The following CSMD1 variants were observed in gnomAD, a reference collection of about 807,000 sequenced individuals.
CSMD1 encodes the protein CUB and sushi domain-containing protein 1.
CSMD1 carries 213 observed loss-of-function variants against 417.5 expected under a neutral mutation model. The ratio of observed to expected loss-of-function variants is 0.51; its 90% CI spans 0.46 to 0.57. CSMD1 has a LOEUF of 0.57. Ranked by LOEUF, CSMD1 falls within the 20% of genes least tolerant of loss-of-function variation. The probability of loss-of-function intolerance (pLI) is 0.00; values close to 1 mark genes in which losing one functional copy is unlikely to be tolerated. For missense variants in CSMD1, 6,923 were observed against 4,529.7 expected, an observed-to-expected ratio of 1.53 and a Z score of -15.17; for synonymous variants, 2,862 against 1,736.8, an observed-to-expected ratio of 1.65 and a Z score of -16.11.
chr8:4,978,869 C>T (rs541992765), intron 1 of CSMD1, among the ~76,000 whole-genome samples: 19 of 138,018 alleles, frequency 1.4e-4, no homozygotes, highest in Middle Eastern at 3.9e-3. Flanking sequence ...ACCCAGGAGG[C>T]GGAGGTTGCA....
intron 26 of CSMD1, among the ~76,000 whole-genome samples, chr8:3,251,620 T>C (rs1404193778): frequency 2.6e-5 from 4 of 152,184 alleles, no homozygotes; most frequent in Non-Finnish European, 4.4e-5. Flanking sequence ...GGTAGCTTGA[T>C]GGGGATGGCT....
At chr8:4,055,820 G>A (rs1798661383) in intron 3 of CSMD1, among the ~76,000 whole-genome samples, 1 of 151,044 alleles carries the variant, frequency 6.6e-6, no homozygotes, top group South Asian at 2.1e-4. Flanking sequence ...AAGCAGAAGT[G>A]TTGATTTTAC....
At chr8:3,443,162 C>A (rs1815097505) in intron 12 of CSMD1, among the ~76,000 whole-genome samples, 1 of 152,150 alleles carries the variant, frequency 6.6e-6, no homozygotes, top group Admixed American at 6.5e-5. Context: ...CCACGTGTCA[C>A]CTTCTGCTGC....
intron 3 of CSMD1, among the ~76,000 whole-genome samples, chr8:4,382,349 T>G (rs547841688): frequency 1.8e-4 from 28 of 152,312 alleles, no homozygotes; most frequent in Non-Finnish European, 4.0e-4. Context: ...TCATGACTGG[T>G]CGACCAATGA....
Position 3,837,381 on chromosome 8 carries a change from G to T in CSMD1, c.819-83339C>A, listed in dbSNP as rs1317545492. ...ATATTAAGCCACTAAATGGTCTGCA[G>T]AAAATTGAAGTAGCATGCACTTTGA... On this transcript the variant is annotated intron_variant, in intron 5 of 69. Coordinates refer to ENST00000635120, the MANE Select transcript of CSMD1 (RefSeq NM_033225.6). Among the ~76,000 whole-genome samples the T allele has an allele frequency of 2.0e-5, 3 of 152,252 alleles. No individual in the cohort carries two copies. The South Asian group carries it at 6.2e-4, about 32-fold the overall frequency.
At chr8:3,733,952 C>G (rs1179646157) in intron 6 of CSMD1, among the ~76,000 whole-genome samples, 1 of 151,974 alleles carries the variant, frequency 6.6e-6, no homozygotes, top group East Asian at 1.9e-4. Flanking sequence ...CCACTGGGGT[C>G]CTGAAACTTA....
At chr8:4,494,214 T>C (rs1428836537) in intron 2 of CSMD1, among the ~76,000 whole-genome samples, 1 of 152,196 alleles carries the variant, frequency 6.6e-6, no homozygotes, top group Non-Finnish European at 1.5e-5. Context: ...TCTATCTTCC[T>C]TACCAAAAAC....
intron 5 of CSMD1, among the ~76,000 whole-genome samples, chr8:3,827,995 C>G (rs569321796): frequency 6.6e-6 from 1 of 152,130 alleles, no homozygotes; most frequent in East Asian, 1.9e-4. Flanking sequence ...ACAGAAACAA[C>G]CTCATGCATG....
intron 39 of CSMD1, 98 bp from the exon 40 acceptor site, chr8:3,151,611 G>T: frequency 1.4e-6 from 1 of 725,474 alleles, no homozygotes; most frequent in South Asian, 1.7e-5. Context: ...GAAAGAGCAA[G>T]TCTTCGGAGT....
At chr8:3,973,513 C>T (rs1162094898) in intron 5 of CSMD1, among the ~76,000 whole-genome samples, 1 of 152,138 alleles carries the variant, frequency 6.6e-6, no homozygotes, top group Non-Finnish European at 1.5e-5. Flanking sequence ...ACAAATCATT[C>T]TGGTATAAGA....
chr8:3,353,392 C>A (rs972675152), intron 21 of CSMD1, among the ~76,000 whole-genome samples: 16 of 152,190 alleles, frequency 1.1e-4, no homozygotes, highest in African/African-American at 3.4e-4. Context: ...CCTTTCTGAC[C>A]AAGATACCAC....
rs572310772 is a variant in CSMD1 at position 4,894,832 on chromosome 8, C to T, written c.85+99500G>A. Among the ~76,000 whole-genome samples, 3 of 152,020 alleles carry T rather than the reference C, an allele frequency of 2.0e-5. No individual in the cohort carries two copies. In the South Asian group the frequency reaches 6.2e-4, roughly 32 times the overall value. Reference sequence around the variant, plus strand: ...GGACAACTTGATCTGTGCCAATTTGCTTTTGAATTTTTATTAAGGTTCTCT... The same window carrying T: ...GGACAACTTGATCTGTGCCAATTTGTTTTTGAATTTTTATTAAGGTTCTCT... On this transcript the variant is annotated intron_variant, in intron 1 of 69. Coordinates refer to ENST00000635120, the MANE Select transcript of CSMD1 (RefSeq NM_033225.6).
At chr8:4,487,018 C>T (rs576537795) in intron 2 of CSMD1, among the ~76,000 whole-genome samples, 18 of 152,202 alleles carry the variant, frequency 1.2e-4, no homozygotes, top group Admixed American at 2.0e-4. Flanking sequence ...TGAGGCTAAA[C>T]AAAGTTCCAC....
At chr8:3,820,374 G>C (rs992436300) in intron 5 of CSMD1, among the ~76,000 whole-genome samples, 5 of 152,100 alleles carry the variant, frequency 3.3e-5, no homozygotes, top group African/African-American at 4.8e-5. Flanking sequence ...TGTTTGAACT[G>C]AGTACCAAAG....
intron 7 of CSMD1, among the ~76,000 whole-genome samples, chr8:3,658,999 A>G (rs1418172200): frequency 6.6e-6 from 1 of 152,176 alleles, no homozygotes; most frequent in African/African-American, 2.4e-5. Context: ...GTTCTTCTAA[A>G]ATACTTCTAG....
chr8:4,894,128 T>C (rs1367266942), intron 1 of CSMD1, among the ~76,000 whole-genome samples: 2 of 152,062 alleles, frequency 1.3e-5, no homozygotes, highest in Non-Finnish European at 2.9e-5. Context: ...ATCCCATACA[T>C]TTGAAAAATT....
Position 4,160,735 on chromosome 8 carries a change from A to G in CSMD1, c.416-128636T>C, listed in dbSNP as rs76241398. Among the ~76,000 whole-genome samples the G allele has an allele frequency of 8.6e-3, 1,312 of 152,316 alleles. 23 individuals carry two copies. The highest frequency in any genetic ancestry group is 0.03 in the African/African-American group (1,254 of 41,560). ...TTGTGGCAAGTTGCAATTATTTTCT[A>G]TAAGGTGATACTACATTTACTCAGT... On this transcript the variant is annotated intron_variant, in intron 3 of 69. Coordinates refer to ENST00000635120, the MANE Select transcript of CSMD1 (RefSeq NM_033225.6).
intron 18 of CSMD1, among the ~76,000 whole-genome samples, chr8:3,370,599 A>G (rs917010848): frequency 6.6e-6 from 1 of 152,188 alleles, no homozygotes; most frequent in African/African-American, 2.4e-5. Context: ...TTAGAATTTG[A>G]GTCAGTGGAC....
chr8:3,973,529 C>T (rs947727013), intron 5 of CSMD1, among the ~76,000 whole-genome samples: 2 of 152,008 alleles, frequency 1.3e-5, no homozygotes, highest in Admixed American at 6.6e-5. Flanking sequence ...TAAGAACAAA[C>T]GTACTTCTAC....
Sources: allele counts gnomAD v4.1 joint callset (sites outside exome capture counted in the v4.1 genomes callset), GRCh38; gene constraint gnomAD v4.1.1; transcripts MANE v1.5; gene names NCBI Gene and HGNC (gene_info 2026-07-23, HGNC 2026-07-21).